The following ZMIZ2 variants were observed in gnomAD, a reference collection of about 807,000 sequenced individuals.
The protein encoded by ZMIZ2 is zinc finger MIZ-type containing 2.
In ZMIZ2, 26 loss-of-function variants were observed where a neutral mutation model predicts 93.9. The ratio of observed to expected loss-of-function variants is 0.28; its 90% CI spans 0.20 to 0.38. The LOEUF (loss-of-function observed/expected upper bound fraction) is 0.38, where lower values mean the gene tolerates loss of function less well. Among genes scored for constraint, ZMIZ2 ranks in the 10% least tolerant of loss-of-function variants. The pLI is 1.00. For missense variants in ZMIZ2, 1,023 were observed against 1,235.0 expected (o/e 0.83, Z 2.57); for synonymous variants, 485 against 516.4 (o/e 0.94, Z 0.82).
intron 11 of ZMIZ2, among the ~76,000 whole-genome samples, chr7:44,762,518 A>G (rs1438361139): frequency 6.6e-6 from 1 of 152,212 alleles, no homozygotes; most frequent in African/African-American, 2.4e-5. Context: ...GCAGATGTCA[A>G]CACAGACCCA....
At position 44,760,586 on chromosome 7, in the gene ZMIZ2, G is replaced by A. The variant is rs755410426; in HGVS notation, c.1233G>A (p.Ser411=). The A allele has an allele frequency of 5.0e-5, 80 of 1,613,628 alleles. No individual in the cohort carries two copies. The highest frequency in any genetic ancestry group is 6.7e-5 in the African/African-American group (5 of 74,802). ...LKPNLNSLHS[S]PSGSGPCDEL... ...CCAACCTCAACTCCTTGCACTCATC[G>A]CCCTCTGGTAAGTCTGTCCACTCTT... Residue 411 remains serine, a synonymous_variant, in exon 9 of 19, where the codon TCG becomes TCA. Transcript: ENST00000309315.
At position 44,762,984 on chromosome 7, in the gene ZMIZ2, A is replaced by G; in HGVS notation, c.1700A>G (p.Lys567Arg). 6.2e-7 allele frequency: 1 copy of G among 1,610,304 alleles called. No homozygotes were observed. Among genetic ancestry groups the G allele is most frequent in the Admixed American group, 1.7e-5 (1 of 59,756 alleles). Reference protein sequence around the residue: ...RLLPAEHCITKIKRNFSSGTI... With the variant: ...RLLPAEHCITRIKRNFSSGTI... ...CTGCCTGCTGAGCACTGCATCACCAAGAGTGAGTGGCTCCTGCCCCTCAGC... is the reference window on the plus strand; with the variant it reads ...CTGCCTGCTGAGCACTGCATCACCAGGAGTGAGTGGCTCCTGCCCCTCAGC... The change falls in exon 12 of 19, where the codon AAG becomes AGG. Residue 567 changes from lysine to arginine, a missense_variant and splice_region_variant. This residue lies in a region of ZMIZ2 where 656 missense variants were observed against 777.1 expected (regional missense o/e 0.84). Transcript: ENST00000309315.
chr7:44,769,487 G>A lies in ZMIZ2; in HGVS notation c.*1864G>A, dbSNP rs1173341583. ...GCCCTCTCTGGATGAGGGAACAGAA[G>A]TGGAGGAAACAAAAGAAGCAGCAGC... On this transcript the variant is annotated 3_prime_UTR_variant, in exon 19 of 19. Transcript: ENST00000309315. The A allele has an allele frequency of 6.5e-6, 1 of 152,788 alleles. No homozygotes were observed. Among genetic ancestry groups the A allele is most frequent in the African/African-American group, 2.4e-5 (1 of 41,474 alleles). The allele number at this position is 152,788 out of a possible 1,614,324, so 9.5% of individuals were successfully genotyped here.
chr7:44,765,087 T>C lies in ZMIZ2; in HGVS notation c.1997+78T>C. ...CCAGGACATGTCGGGGGATGTCCCT[T>C]GCCAAGTGCAGCCTTCCAGCCTTTT... On this transcript the variant is annotated intron_variant, in intron 15 of 18. Coordinates refer to ENST00000309315, the MANE Select transcript of ZMIZ2 (RefSeq NM_031449.4). This position sits in a 1 kb window ranked among gnomAD's most constrained non-coding sequence, Gnocchi z 4.1. 6.3e-7 allele frequency: 1 copy of C among 1,575,254 alleles called. No homozygotes were observed. The highest frequency in any genetic ancestry group is 8.7e-7 in the Non-Finnish European group (1 of 1,147,806).
Position 44,765,066 on chromosome 7 carries a change from G to C in ZMIZ2, c.1997+57G>C, listed in dbSNP as rs540210274. 1 of 1,600,314 alleles carries C rather than the reference G, an allele frequency of 6.2e-7. No individual in the cohort carries two copies. The highest frequency in any genetic ancestry group is 8.6e-7 in the Non-Finnish European group (1 of 1,168,064). ...TGTGGCCACTGGAGGGCAGCCCCAG[G>C]ACATGTCGGGGGATGTCCCTTGCCA... is the stretch of plus-strand genomic sequence containing the variant. On this transcript the variant is annotated intron_variant, in intron 15 of 18. Coordinates refer to ENST00000309315, the MANE Select transcript of ZMIZ2 (RefSeq NM_031449.4). This position sits in a 1 kb window ranked among gnomAD's most constrained non-coding sequence, Gnocchi z 4.1.
Position 44,765,260 on chromosome 7 carries a change from AG to A in ZMIZ2, c.1998-72del. On this transcript the variant is annotated intron_variant, in intron 15 of 18. Transcript: ENST00000309315. The surrounding 1 kb of genome is among the most constrained non-coding windows in gnomAD (Gnocchi z 4.1). The stretch of plus-strand genomic sequence containing the variant: ...GGGGGAACCTGCCTGGAAACAGCCC[AG>A]GGCTGGGAGGGGCAGTGGGTGCCGG... 2 of 1,588,438 alleles carry A rather than the reference AG, an allele frequency of 1.3e-6. No homozygotes were observed. Among genetic ancestry groups the A allele is most frequent in the East Asian group, 2.2e-5 (1 of 44,584 alleles).
chr7:44,760,769 G>A (rs1040135870), intron 9 of ZMIZ2, among the ~76,000 whole-genome samples, 176 bp downstream of exon 9: 7 of 151,070 alleles, frequency 4.6e-5, no homozygotes, highest in South Asian at 2.1e-4. Context: ...TTCGGAGGCT[G>A]AGCACAAGAG....
In ZMIZ2 at chr7:44,763,081, C is replaced by A; in HGVS notation, c.1702+95C>A. On this transcript the variant is annotated intron_variant, in intron 12 of 18. Coordinates refer to ENST00000309315, the MANE Select transcript of ZMIZ2 (RefSeq NM_031449.4). The surrounding 1 kb of genome is among the most constrained non-coding windows in gnomAD (Gnocchi z 5.6). The stretch of plus-strand genomic sequence containing the variant: ...TCCTTGTGGGCACCTCCTCGTGTCA[C>A]ACCAGGCCTTCTCCTTGGACAGGTG... 6.9e-7 allele frequency: 1 copy of A among 1,456,106 alleles called. No individual in the cohort carries two copies. The highest frequency in any genetic ancestry group is 9.4e-7 in the Non-Finnish European group (1 of 1,061,044). 90.2% of individuals were successfully genotyped at this position (1,456,106 alleles called of 1,614,324 possible).
chr7:44,760,526 A>G lies in ZMIZ2; in HGVS notation c.1173A>G (p.Gln391=), dbSNP rs1298220008. ...SSSVPYMSPN[Q]EVKSPFLPDL... ...GCGTCCCTTACATGTCACCAAACCA[A>G]GAGGTCAAGTCTCCCTTCTTGCCTG... The change falls in exon 9 of 19, where the codon CAA becomes CAG. Residue 391 remains glutamine (Q), a synonymous_variant. Coordinates refer to ENST00000309315, the MANE Select transcript of ZMIZ2 (RefSeq NM_031449.4). The G allele has an allele frequency of 2.5e-6, 4 of 1,614,070 alleles. No individual in the cohort carries two copies. Among genetic ancestry groups the G allele is most frequent in the Non-Finnish European group, 2.5e-6 (3 of 1,179,998 alleles).
intron 1 of ZMIZ2, among the ~76,000 whole-genome samples, chr7:44,749,656 C>G (rs1789963223): frequency 6.6e-6 from 1 of 152,190 alleles, no homozygotes; most frequent in African/African-American, 2.4e-5. Context: ...CCGCGGCACC[C>G]CCACCCGGTG....
rs747240270 is a variant in ZMIZ2 at position 44,759,322 on chromosome 7, A to G, written c.855A>G (p.Ala285=). 11 of 1,598,544 alleles carry G rather than the reference A, an allele frequency of 6.9e-6. No homozygotes were observed. In the Admixed American group the frequency reaches 1.4e-4, roughly 20 times the overall value. The part of the protein sequence containing the change: ...GQQYLQGGQY[A]PSTAQFAPSP... ...AGTATCTGCAAGGAGGCCAGTATGC[A>G]CCCAGCACCGCCCAGTTTGCGCCCA... Residue 285 remains alanine (A), a synonymous_variant, in exon 7 of 19, where the codon GCA becomes GCG. Transcript: ENST00000309315.
rs754043415 is a variant in ZMIZ2, at chr7:44,764,405, C to CGATG, written c.1861-14_1861-13insGATG. The CGATG allele has an allele frequency of 1.9e-6, 3 of 1,613,650 alleles. No individual in the cohort carries two copies. The highest frequency in any genetic ancestry group is 2.5e-6 in the Non-Finnish European group (3 of 1,179,722). On this transcript the variant is annotated splice_polypyrimidine_tract_variant and intron_variant, in intron 13 of 18. Transcript: ENST00000309315. The stretch of plus-strand genomic sequence containing the variant: ...CCACAATGAGAAACTGACTTTCTTC[C>CGATG]CATCTCTCTACAGTGCTTTGACCTG...
At chr7:44,756,127 C>A in intron 1 of ZMIZ2, 61 bp from the exon 2 acceptor site, 2 of 1,406,084 alleles carry the variant, frequency 1.4e-6, no homozygotes, top group South Asian at 1.2e-5. Context: ...GGTCCCTCCA[C>A]CCTGCTGAAA....
At chr7:44,760,082 G>GGTCA (rs1791014380) in intron 7 of ZMIZ2, 69 bp from the exon 8 acceptor site, 1 of 1,556,774 alleles carries the variant, frequency 6.4e-7, no homozygotes, top group African/African-American at 1.4e-5. Flanking sequence ...GGGCTTCTAG[G>GGTCA]GTCAGGTCCA....
At position 44,767,587 on chromosome 7, in the gene ZMIZ2, CAAT is replaced by C. The variant is rs1562753550; in HGVS notation, c.2728_2730del (p.Asn910del). On this transcript the variant is annotated inframe_deletion, in exon 19 of 19. Transcript: ENST00000309315. ...GCCCACCCGACCTCCCTACGAACAA[CAAT>C]GACGACCTGCTTTCTCTGTTTGAGA... 7.4e-6 allele frequency: 12 copies of C among 1,614,208 alleles called. No individual in the cohort carries two copies. Among genetic ancestry groups the C allele is most frequent in the East Asian group, 2.2e-5 (1 of 44,894 alleles).
chr7:44,752,902 A>G (rs941933207), intron 1 of ZMIZ2, among the ~76,000 whole-genome samples: 1 of 152,244 alleles, frequency 6.6e-6, no homozygotes, highest in Non-Finnish European at 1.5e-5. Flanking sequence ...ATAGTAGGGT[A>G]GCTGCTTGCT....
At chr7:44,751,927 A>T (rs909374290) in intron 1 of ZMIZ2, among the ~76,000 whole-genome samples, 3 of 151,658 alleles carry the variant, frequency 2.0e-5, no homozygotes, top group Non-Finnish European at 4.4e-5. Flanking sequence ...GTGCCACTGC[A>T]CTCCAGCCTC....
Position 44,766,751 on chromosome 7 carries a change from C to A in ZMIZ2, c.2655+88C>A. On this transcript the variant is annotated intron_variant, in intron 18 of 18. Coordinates refer to ENST00000309315, the MANE Select transcript of ZMIZ2 (RefSeq NM_031449.4). This position sits in a 1 kb window ranked among gnomAD's most constrained non-coding sequence, Gnocchi z 4.4. ...TCCAGGTGCGTTCTGGAAGGGAAGA[C>A]AGTGACCCCTCAGAGAGCCGGTCAG... 6.4e-7 allele frequency: 1 copy of A among 1,559,860 alleles called. No individual in the cohort carries two copies. Among genetic ancestry groups the A allele is most frequent in the Non-Finnish European group, 8.7e-7 (1 of 1,150,636 alleles).
rs1412380408 is a variant in ZMIZ2 at position 44,758,036 on chromosome 7, C to T, written c.741C>T (p.Pro247=). Residue 247 remains proline (P), a synonymous_variant, in exon 6 of 19, where the codon CCC becomes CCT. Transcript: ENST00000309315. The part of the protein sequence containing the change: ...MTPLYAGQRL[P]QHGYPGPPQA... ...CCTTGTATGCAGGGCAGCGTCTGCC[C>T]CAACATGGGTATCCTGGGCCTCCCC... 9.3e-6 allele frequency: 15 copies of T among 1,609,846 alleles called. No individual in the cohort carries two copies. The highest frequency in any genetic ancestry group is 1.3e-5 in the Non-Finnish European group (15 of 1,178,218).
Sources: gnomAD v4.1 joint callset for allele counts (sites outside exome capture counted in the v4.1 genomes callset) on GRCh38, gnomAD v4.1.1 for gene constraint, gnomAD v4.1.1 regional missense constraint, Gnocchi (gnomAD v3.1) non-coding constraint, MANE v1.5 for transcripts, NCBI Gene and HGNC (gene_info 2026-07-23, HGNC 2026-07-21) for gene names.